Variants in GALNT9 observed in about 807,000 individuals in gnomAD.
The protein encoded by GALNT9 is polypeptide N-acetylgalactosaminyltransferase 9.
A neutral mutation model predicts 63.1 loss-of-function variants in GALNT9; 47 were observed. That is an observed-to-expected ratio of 0.75 (90% confidence interval 0.59 to 0.95). GALNT9 has a LOEUF of 0.95. GALNT9 is among the 40% of genes least tolerant of loss of function. The probability of loss-of-function intolerance (pLI) is 0.00; values close to 1 mark genes in which losing one functional copy is unlikely to be tolerated. For missense variants in GALNT9, 829 were observed against 874.8 expected, an observed-to-expected ratio of 0.95 and a Z score of 0.66; for synonymous variants, 396 against 365.7, an observed-to-expected ratio of 1.08 and a Z score of -0.94.
chr12:132,230,892 C>G, intron 6 of GALNT9, among the ~76,000 whole-genome samples: 1 of 152,238 alleles, frequency 6.6e-6, no homozygotes, highest in Non-Finnish European at 1.5e-5. Context: ...AACCTCCATT[C>G]GGGACGTCTT....
intron 6 of GALNT9, among the ~76,000 whole-genome samples, chr12:132,223,160 C>T (rs1233275935): frequency 8.5e-6 from 1 of 117,322 alleles, no homozygotes; most frequent in African/African-American, 3.2e-5. Flanking sequence ...ACAACCCACA[C>T]ACCACACAAC....
At chr12:132,318,360 G>A (rs1430800635) in intron 1 of GALNT9, among the ~76,000 whole-genome samples, 1 of 152,228 alleles carries the variant, frequency 6.6e-6, no homozygotes, top group Non-Finnish European at 1.5e-5. Flanking sequence ...CAAGGTGGGT[G>A]CTCGGGGAAC....
chr12:132,203,405 T>A (rs951311207), intron 7 of GALNT9, 100 bp downstream of exon 7: 1 of 1,091,478 alleles, frequency 9.2e-7, no homozygotes, highest in African/African-American at 1.6e-5. Context: ...CACTCACACC[T>A]GCAGGGGGCC....
At chr12:132,320,990 C>T (rs868924806) in intron 1 of GALNT9, among the ~76,000 whole-genome samples, 6 of 152,170 alleles carry the variant, frequency 3.9e-5, no homozygotes, top group Admixed American at 6.5e-5. Flanking sequence ...GTCGACGCCA[C>T]AGTCAGTGAG....
At chr12:132,271,907 A>G (rs1283434772) in intron 2 of GALNT9, among the ~76,000 whole-genome samples, 1 of 152,108 alleles carries the variant, frequency 6.6e-6, no homozygotes, top group East Asian at 1.9e-4. Flanking sequence ...ATGTGGGGCC[A>G]CACGTGTTCT....
chr12:132,293,798 G>T (rs148833601), intron 1 of GALNT9, among the ~76,000 whole-genome samples: 1 of 129,888 alleles, frequency 7.7e-6, no homozygotes, highest in Non-Finnish European at 1.8e-5. Context: ...AAGCCGGGGG[G>T]TCCCGTATAC....
chr12:132,206,826 C>T (rs547299548), intron 6 of GALNT9, among the ~76,000 whole-genome samples: 10 of 152,172 alleles, frequency 6.6e-5, no homozygotes, highest in Non-Finnish European at 1.0e-4. Context: ...CGCCATACCC[C>T]GTGAACGGGG....
rs73166895 is a variant in GALNT9, at chr12:132,258,805, G to A, written c.762-919C>T. On this transcript the variant is annotated intron_variant, in intron 4 of 10. Coordinates refer to ENST00000328957, the MANE Select transcript of GALNT9 (RefSeq NM_001122636.2). ...AGGTGCAGCCCTCGCCCTTGGAGACGCCATGGTCTACCGCAAGGTGAGATG... is the reference window on the plus strand; with the variant it reads ...AGGTGCAGCCCTCGCCCTTGGAGACACCATGGTCTACCGCAAGGTGAGATG... 4.5e-3 allele frequency among the ~76,000 whole-genome samples: 692 copies of A among 152,320 alleles called. 5 individuals carry two copies. Among genetic ancestry groups the A allele is most frequent in the African/African-American group, 0.016 (660 of 41,568 alleles).
At position 132,240,812 on chromosome 12, in the gene GALNT9, C is replaced by T. The variant is rs2136899592; in HGVS notation, c.1077+7098G>A. On this transcript the variant is annotated intron_variant, in intron 6 of 10. Transcript: ENST00000328957. ...CATGTTTACACACATGCCACACACC[C>T]TTCCCAAGGCCGTCCCTATACCCAT... is the stretch of plus-strand genomic sequence containing the variant. 238 of 429,946 alleles carry T rather than the reference C, an allele frequency of 5.5e-4. 6 individuals are homozygous for T. Among genetic ancestry groups the T allele is most frequent in the Middle Eastern group, 5.1e-3 (14 of 2,770 alleles). The allele number at this position is 429,946 out of a possible 1,614,324, so 26.6% of individuals were successfully genotyped here. A position where few individuals can be genotyped will look rare whatever the true frequency, so the allele number is the denominator to read the frequency against.
At position 132,201,217 on chromosome 12, in the gene GALNT9, C is replaced by T. The variant is rs1317428959; in HGVS notation, c.1308G>A (p.Leu436=). The change falls in exon 8 of 11, where the codon CTG becomes CTA. Residue 436 remains leucine, a synonymous_variant. Coordinates refer to ENST00000328957, the MANE Select transcript of GALNT9 (RefSeq NM_001122636.2). The part of the protein sequence containing the change: ...DFGDVSERLA[L]RQRLKCRSFK... The stretch of plus-strand genomic sequence containing the variant: ...AGCTGCGACACTTCAGCCTCTGACG[C>T]AGGGCCAGCCTCTCAGACACGTCCC... The T allele has an allele frequency of 1.2e-6, 2 of 1,613,396 alleles. No homozygotes were observed. The highest frequency in any genetic ancestry group is 2.7e-5 in the African/African-American group (2 of 74,918).
In GALNT9 at chr12:132,310,964, G is replaced by A. The variant is rs537713544; in HGVS notation, c.238+18002C>T. Among the ~76,000 whole-genome samples the A allele has an allele frequency of 3.5e-4, 53 of 152,320 alleles. No individual in the cohort carries two copies. The highest frequency in any genetic ancestry group is 7.7e-4 in the East Asian group (4 of 5,186). On this transcript the variant is annotated intron_variant, in intron 1 of 10. Coordinates refer to ENST00000328957, the MANE Select transcript of GALNT9 (RefSeq NM_001122636.2). The surrounding 1 kb of genome is among the most constrained non-coding windows in gnomAD (Gnocchi z 4.8). ...CACCCGCTCTCCCTGGGCATGTGGC[G>A]CTGGCAGCCCAAGACAGGGACTCGG...
At chr12:132,199,152 G>A (rs769715288) in intron 9 of GALNT9, 22 bp downstream of exon 9, 13 of 1,522,076 alleles carry the variant, frequency 8.5e-6, no homozygotes, top group Non-Finnish European at 1.1e-5. Flanking sequence ...GGAGCTGCAT[G>A]GGTGGCCGCT....
At chr12:132,243,267 T>G (rs1878523001) in intron 6 of GALNT9, among the ~76,000 whole-genome samples, 1 of 112,086 alleles carries the variant, frequency 8.9e-6, no homozygotes, top group Non-Finnish European at 1.8e-5. Context: ...CCTATACCCA[T>G]TACACACACA....
chr12:132,204,883 A>G (rs373922403), intron 6 of GALNT9, among the ~76,000 whole-genome samples: 1 of 152,012 alleles, frequency 6.6e-6, no homozygotes, highest in Admixed American at 6.5e-5. Context: ...TGAGCCTGCC[A>G]TGCTGGACGA....
In GALNT9 at chr12:132,319,952, G is replaced by A. The variant is rs1868704654; in HGVS notation, c.238+9014C>T. 6.6e-6 allele frequency among the ~76,000 whole-genome samples: 1 copy of A among 152,192 alleles called. No homozygotes were observed. The highest frequency in any genetic ancestry group is 2.4e-5 in the African/African-American group (1 of 41,468). On this transcript the variant is annotated intron_variant, in intron 1 of 10. Coordinates refer to ENST00000328957, the MANE Select transcript of GALNT9 (RefSeq NM_001122636.2). The surrounding 1 kb of genome is among the most constrained non-coding windows in gnomAD (Gnocchi z 5.2). ...GAGGCAGGCGCTCCTAAGGAAAAGG[G>A]GGCGGCCAGCGGCCCCCACCGCTGG...
chr12:132,286,141 G>T lies in GALNT9; in HGVS notation c.419+109C>A. On this transcript the variant is annotated intron_variant, in intron 2 of 10. Transcript: ENST00000328957. This position sits in a 1 kb window ranked among gnomAD's most constrained non-coding sequence, Gnocchi z 7.4. ...GGTCACTTCCCTGGCGGGCGTGGGGGCCGCTCACTTCCCCGGCCGGCGTGG... is the reference window on the plus strand; with the variant it reads ...GGTCACTTCCCTGGCGGGCGTGGGGTCCGCTCACTTCCCCGGCCGGCGTGG... The T allele has an allele frequency of 1.5e-6, 2 of 1,312,326 alleles. No individual in the cohort carries two copies. The highest frequency in any genetic ancestry group is 1.0e-6 in the Non-Finnish European group (1 of 991,808). The allele number at this position is 1,312,326 out of a possible 1,614,324, so 81.3% of individuals were successfully genotyped here. A position where few individuals can be genotyped will look rare whatever the true frequency, so the allele number is the denominator to read the frequency against.
At chr12:132,322,273 TACTC>T (rs1461845615) in intron 1 of GALNT9, among the ~76,000 whole-genome samples, 2 of 152,152 alleles carry the variant, frequency 1.3e-5, no homozygotes, top group Non-Finnish European at 2.9e-5. Context: ...CCATGCAACT[TACTC>T]ACTCCCCGTC....
chr12:132,257,567 ACGCCCTCG>A, intron 5 of GALNT9, 114 bp downstream of exon 5: 1 of 390,092 alleles, frequency 2.6e-6, no homozygotes, highest in East Asian at 5.3e-5. Flanking sequence ...CCTCGTCCCC[ACGCCCTCG>A]TCCCCAGCCC....
At chr12:132,214,921 G>A (rs1305143797) in intron 6 of GALNT9, among the ~76,000 whole-genome samples, 1 of 152,246 alleles carries the variant, frequency 6.6e-6, no homozygotes, top group Non-Finnish European at 1.5e-5. Context: ...CCGTCACAGA[G>A]GCCCATCTCA....
Sources: allele counts gnomAD v4.1 joint callset (sites outside exome capture counted in the v4.1 genomes callset), GRCh38; gene constraint gnomAD v4.1.1; non-coding constraint Gnocchi (gnomAD v3.1); transcripts MANE v1.5; gene names NCBI Gene and HGNC (gene_info 2026-07-23, HGNC 2026-07-21).